MDM2: variants seen among roughly 807,000 people sequenced by gnomAD.
MDM2 encodes MDM2 proto-oncogene.
Under a neutral mutation model 64.3 loss-of-function variants are expected in MDM2, and 11 were observed. That is an observed-to-expected ratio of 0.17 (90% CI 0.11 to 0.28). The LOEUF (loss-of-function observed/expected upper bound fraction) is 0.28, where lower values mean the gene tolerates loss of function less well. Ranked by LOEUF, MDM2 falls within the 10% of genes least tolerant of loss-of-function variation. MDM2 has a pLI of 1.00. For missense variants in MDM2, 388 were observed against 577.1 expected (o/e 0.67, Z 3.36); for synonymous variants, 194 against 192.9 (o/e 1.01, Z -0.05).
Position 68,844,219 on chromosome 12 carries a change from AGTT to A in MDM2, c.*4374_*4376del, listed in dbSNP as rs1246900105. The A allele has an allele frequency of 9.5e-6, 2 of 210,794 alleles. No individual in the cohort carries two copies. The highest frequency in any genetic ancestry group is 7.3e-5 in the East Asian group (1 of 13,772). The allele number at this position is 210,794 out of a possible 1,614,324, so 13.1% of individuals were successfully genotyped here. On this transcript the variant is annotated 3_prime_UTR_variant, in exon 11 of 11. Coordinates refer to ENST00000258149, the MANE Select transcript of MDM2 (RefSeq NM_002392.6). ...AATTATTTGATCTTAAATTTTTATG[AGTT>A]GTTAAAATAGAAATTATTTGAATAT... is the stretch of plus-strand genomic sequence containing the variant.
intron 8 of MDM2, among the ~76,000 whole-genome samples, chr12:68,832,554 C>T (rs1882879393): frequency 6.6e-6 from 1 of 152,074 alleles, no homozygotes; most frequent in Admixed American, 6.5e-5. Flanking sequence ...ACTCCGTTGC[C>T]CAGGCGGGAG....
intron 8 of MDM2, among the ~76,000 whole-genome samples, chr12:68,830,175 T>G (rs1413983782): frequency 6.6e-6 from 1 of 152,236 alleles, no homozygotes; most frequent in African/African-American, 2.4e-5. Context: ...GGATACATTT[T>G]TTGGTAATAT....
rs1011374557 is a variant in MDM2, at chr12:68,842,302, G to A, written c.*2453G>A. 1.0e-5 allele frequency: 5 copies of A among 495,824 alleles called. No homozygotes were observed. The highest frequency in any genetic ancestry group is 2.3e-5 in the Admixed American group (1 of 43,570). 30.7% of individuals were successfully genotyped at this position (495,824 alleles called of 1,614,324 possible). A position where few individuals can be genotyped will look rare whatever the true frequency, so the allele number is the denominator to read the frequency against. On this transcript the variant is annotated 3_prime_UTR_variant, in exon 11 of 11. Coordinates refer to ENST00000258149, the MANE Select transcript of MDM2 (RefSeq NM_002392.6). Reference sequence around the variant, plus strand: ...AAAGAAGTCAGGCAAAACTCATCTTGACCCCTGTTGCAGGCAAAGGAACGC... The same window carrying A: ...AAAGAAGTCAGGCAAAACTCATCTTAACCCCTGTTGCAGGCAAAGGAACGC...
At chr12:68,833,934 T>G (rs544076056) in intron 8 of MDM2, among the ~76,000 whole-genome samples, 109 of 152,336 alleles carry the variant, frequency 7.2e-4, no homozygotes, top group African/African-American at 2.5e-3. Flanking sequence ...CTTGTGATTC[T>G]AATCTGATTG....
chr12:68,825,623 G>A (rs907434894), intron 7 of MDM2, among the ~76,000 whole-genome samples: 6 of 152,170 alleles, frequency 3.9e-5, no homozygotes, highest in Admixed American at 1.3e-4. Context: ...ACTGCACTCC[G>A]CCTGGGCGAC....
downstream of MDM2, chr12:68,845,619 A>T (rs543065388): frequency 8.0e-4 from 141 of 176,986 alleles, no homozygotes; most frequent in Middle Eastern, 6.6e-3. Flanking sequence ...TAAAGACTTT[A>T]AAAAAAATTC....
chr12:68,839,430 G>A lies in MDM2; in HGVS notation c.1075G>A (p.Ala359Thr), dbSNP rs1883568194. The part of the protein sequence containing the change: ...EKAKLENSTQ[A>T]EEGFDVPDCK... ...AGCCAAACTGGAAAACTCAACACAA[G>A]CTGAAGAGGGCTTTGATGTTCCTGA... is the stretch of plus-strand genomic sequence containing the variant. The change falls in exon 11 of 11, where the codon GCT (alanine) becomes ACT (threonine). Residue 359 changes from alanine (A) to threonine (T), a missense_variant. Coordinates refer to ENST00000258149, the MANE Select transcript of MDM2 (RefSeq NM_002392.6). The A allele has an allele frequency of 6.2e-7, 1 of 1,613,698 alleles. No homozygotes were observed. Among genetic ancestry groups the A allele is most frequent in the African/African-American group, 1.3e-5 (1 of 74,826 alleles).
intron 5 of MDM2, 48 bp from the exon 6 acceptor site, chr12:68,824,315 C>T (rs762765084): frequency 7.1e-6 from 10 of 1,411,528 alleles, no homozygotes; most frequent in Middle Eastern, 4.0e-4. Flanking sequence ...AGCGCCCCGC[C>T]GCCCCCCGCC....
In MDM2 at chr12:68,816,796, C is replaced by A; in HGVS notation, c.175-16C>A. ...TTAGTTTTCTTTAATGCTCAGAAAT[C>A]ATATTTGTATTTCAGGTTCTTTTTT... is the stretch of plus-strand genomic sequence containing the variant. On this transcript the variant is annotated splice_polypyrimidine_tract_variant and intron_variant, in intron 3 of 10. Coordinates refer to ENST00000258149, the MANE Select transcript of MDM2 (RefSeq NM_002392.6). 2 of 1,561,972 alleles carry A rather than the reference C, an allele frequency of 1.3e-6. No homozygotes were observed. Among genetic ancestry groups the A allele is most frequent in the South Asian group, 2.4e-5 (2 of 83,384 alleles).
intron 3 of MDM2, chr12:68,814,659 A>T (rs1478857481): frequency 2.6e-6 from 1 of 386,808 alleles, no homozygotes; most frequent in Non-Finnish European, 5.0e-6. Flanking sequence ...GAGATACATG[A>T]GTACAGTATA....
At chr12:68,833,247 T>TTATATATATAAATATAAA (rs201342956) in intron 8 of MDM2, among the ~76,000 whole-genome samples, 3 of 73,010 alleles carry the variant, frequency 4.1e-5, no homozygotes, top group African/African-American at 1.6e-4. Context: ...TATTACATTG[T>TTATATATATAAATATAAA]TATATATATT....
intron 8 of MDM2, among the ~76,000 whole-genome samples, chr12:68,830,902 T>C (rs1332884707): frequency 1.3e-5 from 2 of 152,158 alleles, no homozygotes; most frequent in African/African-American, 4.8e-5. Flanking sequence ...GGTTTCACTA[T>C]GTTGGCCAGG....
chr12:68,831,856 T>C (rs1592592962), intron 8 of MDM2, among the ~76,000 whole-genome samples: 1 of 152,096 alleles, frequency 6.6e-6, no homozygotes, highest in African/African-American at 2.4e-5. Context: ...TCACCTGAGG[T>C]CAGGAGTTCA....
chr12:68,811,234 T>C (rs1309966559), intron 2 of MDM2, among the ~76,000 whole-genome samples: 1 of 152,202 alleles, frequency 6.6e-6, no homozygotes, highest in Non-Finnish European at 1.5e-5. Context: ...CCTTTTAGTT[T>C]TTTAAAATTT....
intron 4 of MDM2, among the ~76,000 whole-genome samples, 181 bp from the exon 5 acceptor site, chr12:68,820,144 T>A (rs1360744606): frequency 6.6e-6 from 1 of 152,214 alleles, no homozygotes; most frequent in Non-Finnish European, 1.5e-5. Flanking sequence ...TACATAATCA[T>A]TGTGCTACTA....
At position 68,844,968 on chromosome 12, in the gene MDM2, A is replaced by G. The variant is rs1002926840; in HGVS notation, c.*5119A>G. The G allele has an allele frequency of 7.8e-5, 15 of 193,322 alleles. No homozygotes were observed. Among genetic ancestry groups the G allele is most frequent in the Non-Finnish European group, 1.2e-4 (11 of 92,612 alleles). 12.0% of individuals were successfully genotyped at this position (193,322 alleles called of 1,614,324 possible). A position where few individuals can be genotyped will look rare whatever the true frequency, so the allele number is the denominator to read the frequency against. Reference sequence around the variant, plus strand: ...TTTCTAGCAGAGATGAAGTTTCACTATGTTGGCCAGGCTGGGCTCAAACTC... The same window carrying G: ...TTTCTAGCAGAGATGAAGTTTCACTGTGTTGGCCAGGCTGGGCTCAAACTC... On this transcript the variant is annotated 3_prime_UTR_variant, in exon 11 of 11. Transcript: ENST00000258149.
rs895319140 is a variant in MDM2 at position 68,843,717 on chromosome 12, G to C, written c.*3868G>C. ...TTCAAAACTCTCTCTCTCTCTCTCT[G>C]TCTGTCTCAATAAATGGCCAAAGGG... On this transcript the variant is annotated 3_prime_UTR_variant, in exon 11 of 11. Coordinates refer to ENST00000258149, the MANE Select transcript of MDM2 (RefSeq NM_002392.6). 1.9e-4 allele frequency: 41 copies of C among 220,154 alleles called. No homozygotes were observed. The highest frequency in any genetic ancestry group is 4.6e-4 in the East Asian group (7 of 15,220). The allele number at this position is 220,154 out of a possible 1,614,324, so 13.6% of individuals were successfully genotyped here.
chr12:68,823,217 A>G (rs895360653), intron 5 of MDM2, among the ~76,000 whole-genome samples: 2 of 151,862 alleles, frequency 1.3e-5, no homozygotes, highest in Non-Finnish European at 2.9e-5. Flanking sequence ...GTTAATGTCC[A>G]GGCATGAGTT....
chr12:68,809,806 AGTT>A (rs1332339406), intron 2 of MDM2, among the ~76,000 whole-genome samples: 1 of 152,190 alleles, frequency 6.6e-6, no homozygotes, highest in Non-Finnish European at 1.5e-5. Flanking sequence ...ATGAAACTGT[AGTT>A]GTTCTGTGAC....
Sources: allele counts gnomAD v4.1 joint callset (sites outside exome capture counted in the v4.1 genomes callset), GRCh38; gene constraint gnomAD v4.1.1; transcripts MANE v1.5; gene names NCBI Gene and HGNC (gene_info 2026-07-23, HGNC 2026-07-21).